The following PDE7B variants were observed in gnomAD, a reference collection of about 807,000 sequenced individuals.
PDE7B encodes the protein phosphodiesterase 7B, also known as 3',5'-cyclic-AMP phosphodiesterase 7B.
Under a neutral mutation model 56.2 loss-of-function variants are expected in PDE7B, and 29 were observed. The observed-to-expected ratio is 0.52, with a 90% CI of 0.38 to 0.70. The LOEUF (loss-of-function observed/expected upper bound fraction) is 0.70. Ranked by LOEUF, PDE7B falls within the 30% of genes least tolerant of loss-of-function variation. PDE7B has a pLI of 0.00. For synonymous variants in PDE7B, 197 were observed against 196.9 expected (o/e 1.00, Z 0.00); for missense variants, 490 against 565.0 (o/e 0.87, Z 1.35).
At chr6:135,889,909 C>G (rs892905379) in intron 1 of PDE7B, among the ~76,000 whole-genome samples, 4 of 148,040 alleles carry the variant, frequency 2.7e-5, no homozygotes, top group African/African-American at 7.5e-5. Flanking sequence ...CCCACCACCA[C>G]GCCCAGCTAA....
chr6:136,186,859 G>A lies in PDE7B; in HGVS notation c.1046-177G>A, dbSNP rs117010621. Among the ~76,000 whole-genome samples, 587 of 152,250 alleles carry A rather than the reference G, an allele frequency of 3.9e-3. 2 individuals are homozygous for A. Among genetic ancestry groups the A allele is most frequent in the Non-Finnish European group, 6.6e-3 (451 of 68,026 alleles). On this transcript the variant is annotated intron_variant, in intron 11 of 12. Coordinates refer to ENST00000308191, the MANE Select transcript of PDE7B (RefSeq NM_018945.4). ...GCACTGTGGTATTTTAAATTTTTACGGAAACTACTGAAGTAAGGCAGAGCA... is the reference window on the plus strand; with the variant it reads ...GCACTGTGGTATTTTAAATTTTTACAGAAACTACTGAAGTAAGGCAGAGCA...
At chr6:136,171,360 A>G (rs1778876901) in intron 8 of PDE7B, among the ~76,000 whole-genome samples, 1 of 152,186 alleles carries the variant, frequency 6.6e-6, no homozygotes, top group Non-Finnish European at 1.5e-5. Context: ...CTGCAAGGTA[A>G]TGGTTCTCAA....
At chr6:135,914,867 G>A (rs901615616) in intron 1 of PDE7B, among the ~76,000 whole-genome samples, 7 of 150,826 alleles carry the variant, frequency 4.6e-5, no homozygotes, top group African/African-American at 1.7e-4. Flanking sequence ...GGCCGAGGTG[G>A]GCAGATCACG....
chr6:136,039,675 A>G (rs1776383553), intron 2 of PDE7B, among the ~76,000 whole-genome samples: 1 of 152,226 alleles, frequency 6.6e-6, no homozygotes, highest in Non-Finnish European at 1.5e-5. Flanking sequence ...CCAGTAAACA[A>G]TGAGTCCTTG....
chr6:136,131,999 T>G (rs1051762193), intron 3 of PDE7B, among the ~76,000 whole-genome samples: 1 of 152,322 alleles, frequency 6.6e-6, no homozygotes, highest in East Asian at 1.9e-4. Context: ...GAATAAGAAA[T>G]GTCCTCTTAT....
chr6:135,940,360 A>G (rs1774487678), intron 1 of PDE7B, among the ~76,000 whole-genome samples: 2 of 152,242 alleles, frequency 1.3e-5, no homozygotes, highest in African/African-American at 4.8e-5. Flanking sequence ...TTCTGACTTC[A>G]GAGTAGGCTA....
In PDE7B at chr6:136,020,982, A is replaced by G. The variant is rs780742267; in HGVS notation, c.82+73458A>G. Among the ~76,000 whole-genome samples, 23 of 152,330 alleles carry G rather than the reference A, an allele frequency of 1.5e-4. 1 individual carries two copies. In the South Asian group the frequency reaches 2.1e-3, roughly 14 times the overall value. ...TATTACTAGTTCCTACAAGTGCAAG[A>G]GCTACGTCTTTCTGATCTATTTTTC... On this transcript the variant is annotated intron_variant, in intron 2 of 12. Transcript: ENST00000308191.
chr6:136,150,855 A>ATGTGTGTGTGTGTGTGTGTG (rs60877369), intron 5 of PDE7B, among the ~76,000 whole-genome samples: 15 of 150,632 alleles, frequency 1.0e-4, no homozygotes, highest in Admixed American at 4.0e-4. Context: ...ACATATACAC[A>ATGTGTGTGTGTGTGTGTGTG]TGTGTGTGTG....
At chr6:135,893,435 A>G (rs1775844680) in intron 1 of PDE7B, among the ~76,000 whole-genome samples, 2 of 151,966 alleles carry the variant, frequency 1.3e-5, no homozygotes, top group South Asian at 2.1e-4. Context: ...TCCATGGTGT[A>G]TATGTGCCAC....
In PDE7B at chr6:136,192,203, T is replaced by G. The variant is rs1779242086; in HGVS notation, c.*363T>G. On this transcript the variant is annotated 3_prime_UTR_variant, in exon 13 of 13. Transcript: ENST00000308191. The stretch of plus-strand genomic sequence containing the variant: ...CAGCAATTCCTAAGTCCGGAGCGTT[T>G]GAGCGTTTGCTATCTGACTGCTGAT... 1 of 265,024 alleles carries G rather than the reference T, an allele frequency of 3.8e-6. No individual in the cohort carries two copies. The highest frequency in any genetic ancestry group is 2.2e-5 in the African/African-American group (1 of 45,240). The allele number at this position is 265,024 out of a possible 1,614,324, so 16.4% of individuals were successfully genotyped here. A position where few individuals can be genotyped will look rare whatever the true frequency, so the allele number is the denominator to read the frequency against.
intron 2 of PDE7B, among the ~76,000 whole-genome samples, chr6:135,952,834 C>T (rs1774724788): frequency 6.6e-6 from 1 of 152,018 alleles, no homozygotes; most frequent in Non-Finnish European, 1.5e-5. Flanking sequence ...TCATCATTGG[C>T]CCTAAAAAGG....
chr6:136,037,939 G>A, intron 2 of PDE7B: 1 of 1,198,842 alleles, frequency 8.3e-7, no homozygotes, highest in East Asian at 5.8e-5. Flanking sequence ...TTAATTAAGT[G>A]CTGTGAACTC....
At chr6:136,006,177 G>A (rs1050538047) in intron 2 of PDE7B, among the ~76,000 whole-genome samples, 5 of 137,552 alleles carry the variant, frequency 3.6e-5, no homozygotes, top group African/African-American at 8.2e-5. Flanking sequence ...GACACAGGAA[G>A]GGGAACATCA....
intron 1 of PDE7B, among the ~76,000 whole-genome samples, chr6:135,894,102 GT>G (rs1562428458): frequency 6.6e-6 from 1 of 152,052 alleles, no homozygotes; most frequent in African/African-American, 2.4e-5. Flanking sequence ...TACCATAAAA[GT>G]TTTATTCCCA....
At chr6:136,101,264 T>A (rs1777556768) in intron 2 of PDE7B, among the ~76,000 whole-genome samples, 1 of 152,248 alleles carries the variant, frequency 6.6e-6, no homozygotes, top group East Asian at 1.9e-4. Context: ...GCTATCAGGA[T>A]GATGCTGGCC....
intron 3 of PDE7B, among the ~76,000 whole-genome samples, chr6:136,135,637 A>G (rs1778200955): frequency 6.6e-6 from 1 of 152,008 alleles, no homozygotes; most frequent in South Asian, 2.1e-4. Flanking sequence ...GCCTCTTATG[A>G]CCACTGGTGA....
intron 1 of PDE7B, among the ~76,000 whole-genome samples, chr6:135,873,042 A>G (rs1775416672): frequency 1.3e-5 from 2 of 152,130 alleles, no homozygotes; most frequent in Non-Finnish European, 2.9e-5. Flanking sequence ...GAAACGTTCT[A>G]TGTAACGAAT....
intron 1 of PDE7B, among the ~76,000 whole-genome samples, chr6:135,881,974 G>A (rs1775619605): frequency 6.6e-6 from 1 of 152,172 alleles, no homozygotes; most frequent in Admixed American, 6.5e-5. Context: ...TTAATTTGTA[G>A]ACTGGGTTGA....
At chr6:135,981,242 C>G (rs535646146) in intron 2 of PDE7B, among the ~76,000 whole-genome samples, 80 of 134,846 alleles carry the variant, frequency 5.9e-4, no homozygotes, top group Middle Eastern at 5.1e-3. Context: ...AATGAGAACA[C>G]ATGGACACAG....
Sources: gnomAD v4.1 joint callset for allele counts (sites outside exome capture counted in the v4.1 genomes callset) on GRCh38, gnomAD v4.1.1 for gene constraint, MANE v1.5 for transcripts, NCBI Gene and HGNC (gene_info 2026-07-23, HGNC 2026-07-21) for gene names.